Variants in CPEB3 observed in about 807,000 individuals in gnomAD.
CPEB3 encodes the protein cytoplasmic polyadenylation element-binding protein 3.
A neutral mutation model predicts 67.2 loss-of-function variants in CPEB3; 20 were observed. The observed-to-expected ratio is 0.30, with a 90% CI of 0.21 to 0.43. The LOEUF (loss-of-function observed/expected upper bound fraction) is 0.43, where lower values mean the gene tolerates loss of function less well. Among genes scored for constraint, CPEB3 ranks in the 20% least tolerant of loss-of-function variants. The pLI is 1.00. For synonymous variants in CPEB3, 376 were observed against 393.1 expected, an observed-to-expected ratio of 0.96 and a Z score of 0.51; for missense variants, 746 against 968.6, an observed-to-expected ratio of 0.77 and a Z score of 3.05.
At position 92,098,116 on chromosome 10, in the gene CPEB3, G is replaced by A. The variant is rs371716195; in HGVS notation, c.1573-6172C>T. Among the ~76,000 whole-genome samples, 10 of 120,498 alleles carry A rather than the reference G, an allele frequency of 8.3e-5. No individual in the cohort carries two copies. In the East Asian group the frequency reaches 8.5e-4, roughly 10 times the overall value. 79.1% of individuals were successfully genotyped at this position (120,498 alleles called of 152,430 possible). On this transcript the variant is annotated intron_variant, in intron 7 of 9. Coordinates refer to ENST00000265997, the MANE Select transcript of CPEB3 (RefSeq NM_014912.5). The stretch of plus-strand genomic sequence containing the variant: ...GTGGATGCTACGGTGAGCCAAGATC[G>A]CGCCATTGCACTCCATCCTGGGCAA...
rs375460885 is a variant in CPEB3, at chr10:92,130,126, G to T, written c.1453+12903C>A. Among the ~76,000 whole-genome samples, 10 of 151,554 alleles carry T rather than the reference G, an allele frequency of 6.6e-5. No individual in the cohort carries two copies. In the East Asian group the frequency reaches 1.2e-3, roughly 18 times the overall value. ...CTTTTTTTCATACTTAGTTCTCCCT[G>T]CATGATAGTCCTCTGCTTGGAATTT... On this transcript the variant is annotated intron_variant, in intron 6 of 9. Coordinates refer to ENST00000265997, the MANE Select transcript of CPEB3 (RefSeq NM_014912.5).
intron 6 of CPEB3, among the ~76,000 whole-genome samples, chr10:92,121,403 G>C (rs913920893): frequency 4.1e-5 from 6 of 147,410 alleles, no homozygotes; most frequent in Non-Finnish European, 7.5e-5. Context: ...ATATAATAGA[G>C]AGACAGCGCG....
chr10:92,250,532 A>C (rs1159481787), intron 1 of CPEB3, among the ~76,000 whole-genome samples: 6 of 152,188 alleles, frequency 3.9e-5, no homozygotes, highest in Admixed American at 3.3e-4. Flanking sequence ...AATGTTTATA[A>C]AGTCTACAGT....
chr10:92,277,116 A>C (rs1842026658), intron 1 of CPEB3, among the ~76,000 whole-genome samples: 1 of 152,120 alleles, frequency 6.6e-6, no homozygotes, highest in Admixed American at 6.6e-5. Context: ...ACTTCTTAGT[A>C]TTATCCTTTC....
intron 2 of CPEB3, among the ~76,000 whole-genome samples, chr10:92,212,662 C>T (rs1364823488): frequency 1.3e-5 from 2 of 152,068 alleles, no homozygotes; most frequent in African/African-American, 4.8e-5. Flanking sequence ...AAAGTACCCA[C>T]CGGATTTCAA....
chr10:92,165,297 G>A (rs1847683429), intron 4 of CPEB3, among the ~76,000 whole-genome samples: 2 of 151,890 alleles, frequency 1.3e-5, no homozygotes, highest in South Asian at 4.2e-4. Flanking sequence ...GGGTGACACA[G>A]CAGGACCCTA....
Position 92,233,495 on chromosome 10 carries a change from C to A in CPEB3, c.1005+5851G>T, listed in dbSNP as rs1851372557. On this transcript the variant is annotated intron_variant, in intron 2 of 9. Transcript: ENST00000265997. The stretch of plus-strand genomic sequence containing the variant: ...GATGTTGCAGTGAGCCAAGATCATG[C>A]CACTGCACTCCAGCTTGGGCGACAG... Among the ~76,000 whole-genome samples, 2 of 149,650 alleles carry A rather than the reference C, an allele frequency of 1.3e-5. 1 individual carries two copies. Among genetic ancestry groups the A allele is most frequent in the South Asian group, 4.2e-4 (2 of 4,764 alleles).
At chr10:92,139,155 T>C (rs978241600) in intron 6 of CPEB3, among the ~76,000 whole-genome samples, 2 of 152,048 alleles carry the variant, frequency 1.3e-5, no homozygotes, top group Non-Finnish European at 2.9e-5. Flanking sequence ...CACAGGCCTG[T>C]AATCCCAGCT....
chr10:92,171,869 C>A (rs1848017961), intron 4 of CPEB3, among the ~76,000 whole-genome samples: 2 of 152,204 alleles, frequency 1.3e-5, no homozygotes, highest in Admixed American at 1.3e-4. Flanking sequence ...CCCGCCTCAG[C>A]CTCCCAAAGT....
At chr10:92,117,324 C>CTTTTT (rs35220275) in intron 6 of CPEB3, among the ~76,000 whole-genome samples, 9 of 79,986 alleles carry the variant, frequency 1.1e-4, no homozygotes, top group Admixed American at 3.4e-4. Flanking sequence ...GCCTGGCTGA[C>CTTTTT]TTTTTTTTTT....
chr10:92,227,343 T>C (rs1851025415), intron 2 of CPEB3, among the ~76,000 whole-genome samples: 1 of 152,244 alleles, frequency 6.6e-6, no homozygotes, highest in Non-Finnish European at 1.5e-5. Flanking sequence ...CCTATATTTG[T>C]GTTAGTAGTA....
chr10:92,139,484 T>C (rs1369937949), intron 6 of CPEB3, among the ~76,000 whole-genome samples: 6 of 149,850 alleles, frequency 4.0e-5, no homozygotes, highest in African/African-American at 1.2e-4. Flanking sequence ...ATCCAAACAA[T>C]TGAACTCATG....
At chr10:92,219,567 T>C (rs1205583161) in intron 2 of CPEB3, among the ~76,000 whole-genome samples, 1 of 152,240 alleles carries the variant, frequency 6.6e-6, no homozygotes, top group Non-Finnish European at 1.5e-5. Flanking sequence ...AGCTGTTTTC[T>C]ACTTTTCACA....
At position 92,240,271 on chromosome 10, in the gene CPEB3, TG is replaced by T; in HGVS notation, c.79del (p.Gln27AsnfsTer55). 1 of 1,518,144 alleles carries T rather than the reference TG, an allele frequency of 6.6e-7. No individual in the cohort carries two copies. The highest frequency in any genetic ancestry group is 1.3e-5 in the South Asian group (1 of 78,566). 94.0% of individuals were successfully genotyped at this position (1,518,144 alleles called of 1,614,324 possible). On this transcript the variant is annotated frameshift_variant, in exon 2 of 10. Transcript: ENST00000265997. LOFTEE classifies it high-confidence loss of function. The part of the protein sequence containing the change: ...QQQQRQQQQP[Q>X]PESSVSEAPS... ...GGCTTCGGATACGCTGGACTCAGGTTGGGGCTGCTGCTGCTGCCGCTGCTGC... is the reference window on the plus strand; with the variant it reads ...GGCTTCGGATACGCTGGACTCAGGTTGGGCTGCTGCTGCTGCCGCTGCTGC...
chr10:92,151,942 C>T (rs925825207), intron 4 of CPEB3, among the ~76,000 whole-genome samples: 2 of 152,164 alleles, frequency 1.3e-5, no homozygotes, highest in African/African-American at 4.8e-5. Context: ...ACAAGGCAAC[C>T]CAATTCTCTT....
intron 2 of CPEB3, among the ~76,000 whole-genome samples, chr10:92,236,082 C>T (rs1049841599): frequency 2.0e-4 from 31 of 152,174 alleles, no homozygotes; most frequent in South Asian, 6.2e-4. Flanking sequence ...ATATATAATT[C>T]CCCCCAGTGG....
At chr10:92,129,625 T>C (rs892723831) in intron 6 of CPEB3, among the ~76,000 whole-genome samples, 3 of 152,112 alleles carry the variant, frequency 2.0e-5, no homozygotes, top group Non-Finnish European at 4.4e-5. Context: ...ACAATTAGAA[T>C]AACAATAGAA....
chr10:92,079,919 G>A (rs1035546007), intron 9 of CPEB3, among the ~76,000 whole-genome samples: 2 of 151,844 alleles, frequency 1.3e-5, no homozygotes, highest in Non-Finnish European at 1.5e-5. Flanking sequence ...CTTGGTGCTC[G>A]GCCAGGCGCG....
At chr10:92,217,205 T>TAAAAAAA (rs1850460236) in intron 2 of CPEB3, among the ~76,000 whole-genome samples, 1 of 22,098 alleles carries the variant, frequency 4.5e-5, no homozygotes, top group African/African-American at 3.5e-4. Flanking sequence ...AGACTCTGCC[T>TAAAAAAA]CAAAAAAAAA....
Sources: gnomAD v4.1 joint callset for allele counts (sites outside exome capture counted in the v4.1 genomes callset) on GRCh38, gnomAD v4.1.1 for gene constraint, MANE v1.5 for transcripts, NCBI Gene and HGNC (gene_info 2026-07-23, HGNC 2026-07-21) for gene names.